KIAA0319L: variants seen among roughly 807,000 people sequenced by gnomAD.
KIAA0319L encodes KIAA0319 like.
Under a neutral mutation model 120.1 loss-of-function variants are expected in KIAA0319L, and 55 were observed. The ratio of observed to expected loss-of-function variants is 0.46; its 90% CI spans 0.37 to 0.57. The LOEUF is 0.57. Among genes scored for constraint, KIAA0319L ranks in the 20% least tolerant of loss-of-function variants. The pLI, the probability that KIAA0319L is intolerant of heterozygous loss-of-function variation, is 0.00. For missense variants in KIAA0319L, 1,049 were observed against 1,255.3 expected (o/e 0.84, Z 2.48); for synonymous variants, 398 against 471.9 (o/e 0.84, Z 2.03).
At chr1:35,455,960 C>A in intron 10 of KIAA0319L, 53 bp downstream of exon 10, 1 of 1,365,426 alleles carries the variant, frequency 7.3e-7, no homozygotes, top group South Asian at 1.3e-5. Context: ...AAAATGCAGT[C>A]CAGCAGCTCT....
At chr1:35,446,111 A>G (rs1641602605) in intron 16 of KIAA0319L, among the ~76,000 whole-genome samples, 1 of 152,200 alleles carries the variant, frequency 6.6e-6, no homozygotes, top group Non-Finnish European at 1.5e-5. Context: ...CTAGGTACCC[A>G]GACCCCACTC....
chr1:35,499,659 A>C (rs1225076875), intron 3 of KIAA0319L, among the ~76,000 whole-genome samples: 1 of 152,164 alleles, frequency 6.6e-6, no homozygotes, highest in African/African-American at 2.4e-5. Context: ...AGTAGATTAA[A>C]GAACCAGAAC....
At chr1:35,483,754 G>T (rs1644262742) in intron 3 of KIAA0319L, among the ~76,000 whole-genome samples, 1 of 152,090 alleles carries the variant, frequency 6.6e-6, no homozygotes, top group Non-Finnish European at 1.5e-5. Context: ...CTGCCATAAT[G>T]AATTACTATA....
At chr1:35,513,289 T>TATATATATATATATATATATATA (rs1491413167) in intron 2 of KIAA0319L, among the ~76,000 whole-genome samples, 4 of 70,602 alleles carry the variant, frequency 5.7e-5, no homozygotes, top group African/African-American at 2.3e-4. Flanking sequence ...TATATATATA[T>TATATATATATATATATATATATA]TTTTTTTTTT....
intron 2 of KIAA0319L, among the ~76,000 whole-genome samples, chr1:35,517,511 T>C (rs548435018): frequency 4.4e-4 from 67 of 152,338 alleles, no homozygotes; most frequent in African/African-American, 1.4e-3. Context: ...GCTAGCCATA[T>C]GCAGAAGATT....
rs1032657165 is a variant in KIAA0319L at position 35,534,683 on chromosome 1, C to T, written c.142+19667G>A. ...GAACTTCCTGGCTAACACAGTGAAA[C>T]CCCATCTCTACTAAAAATACAAAAA... On this transcript the variant is annotated intron_variant, in intron 2 of 20. Transcript: ENST00000325722. 2.6e-5 allele frequency among the ~76,000 whole-genome samples: 4 copies of T among 151,716 alleles called. No individual in the cohort carries two copies. In the East Asian group the frequency reaches 5.8e-4, roughly 22 times the overall value.
chr1:35,445,098 TGCAGTGTG>T (rs1641522086), intron 16 of KIAA0319L, among the ~76,000 whole-genome samples: 1 of 152,186 alleles, frequency 6.6e-6, no homozygotes, highest in South Asian at 2.1e-4. Flanking sequence ...CCCCTCATCA[TGCAGTGTG>T]GCTGGGTGGG....
chr1:35,460,179 A>C (rs1642789489), intron 9 of KIAA0319L, 126 bp downstream of exon 9: 3 of 776,782 alleles, frequency 3.9e-6, no homozygotes, highest in Admixed American at 5.2e-5. Context: ...ATGGAACCAA[A>C]AGCTGTATTA....
chr1:35,554,628 G>T, intron 1 of KIAA0319L, 109 bp from the exon 2 acceptor site: 2 of 763,842 alleles, frequency 2.6e-6, no homozygotes, highest in Non-Finnish European at 4.0e-6. Flanking sequence ...AAAATTTCAA[G>T]TTTGTCTTTA....
chr1:35,483,695 T>C (rs1455927876), intron 3 of KIAA0319L, among the ~76,000 whole-genome samples: 1 of 152,226 alleles, frequency 6.6e-6, no homozygotes, highest in Non-Finnish European at 1.5e-5. Flanking sequence ...ATCATTTTGA[T>C]CATTCTAGAT....
rs1488385769 is a variant in KIAA0319L, at chr1:35,506,446, C to T, written c.666+166G>A. ...ATGAACATCTCTAGGGTCAAATTAC[C>T]CTTTGTACATCTGGGCAGCACCAAA... On this transcript the variant is annotated intron_variant, in intron 3 of 20. Coordinates refer to ENST00000325722, the MANE Select transcript of KIAA0319L (RefSeq NM_024874.5). The surrounding 1 kb of genome is among the most constrained non-coding windows in gnomAD (Gnocchi z 4.0). 6.6e-6 allele frequency among the ~76,000 whole-genome samples: 1 copy of T among 152,282 alleles called. No homozygotes were observed. Among genetic ancestry groups the T allele is most frequent in the East Asian group, 1.9e-4 (1 of 5,188 alleles).
At chr1:35,512,768 C>T (rs905759794) in intron 2 of KIAA0319L, among the ~76,000 whole-genome samples, 2 of 149,680 alleles carry the variant, frequency 1.3e-5, no homozygotes, top group Non-Finnish European at 2.9e-5. Context: ...ACTTGGGAGG[C>T]TGAGGCAGGA....
At chr1:35,491,576 A>T (rs1644595121) in intron 3 of KIAA0319L, among the ~76,000 whole-genome samples, 1 of 152,184 alleles carries the variant, frequency 6.6e-6, no homozygotes, top group Non-Finnish European at 1.5e-5. Context: ...CAAAAAAATA[A>T]ACCTGTCAAC....
chr1:35,456,390 C>G, intron 9 of KIAA0319L, 149 bp from the exon 10 acceptor site: 1 of 572,212 alleles, frequency 1.7e-6, no homozygotes, highest in Non-Finnish European at 3.1e-6. Context: ...GAAAGTACTA[C>G]TAGAAGCTAA....
Position 35,443,048 on chromosome 1 carries a change from G to A in KIAA0319L, c.2657-20C>T. On this transcript the variant is annotated intron_variant, in intron 17 of 20. Coordinates refer to ENST00000325722, the MANE Select transcript of KIAA0319L (RefSeq NM_024874.5). ...GACATGCTGAGAGTGGCAGCAAAGGGAAGAAAGTCAACAAGACTCAGCCAG... is the reference window on the plus strand; with the variant it reads ...GACATGCTGAGAGTGGCAGCAAAGGAAAGAAAGTCAACAAGACTCAGCCAG... 6.2e-7 allele frequency: 1 copy of A among 1,614,054 alleles called. No homozygotes were observed. Among genetic ancestry groups the A allele is most frequent in the Middle Eastern group, 1.7e-4 (1 of 6,040 alleles).
In KIAA0319L at chr1:35,491,472, A is replaced by G. The variant is rs186694475; in HGVS notation, c.667-12260T>C. Among the ~76,000 whole-genome samples, 278 of 152,300 alleles carry G rather than the reference A, an allele frequency of 1.8e-3. 5 individuals are homozygous for G. The South Asian group carries it at 0.022, about 12-fold the overall frequency. On this transcript the variant is annotated intron_variant, in intron 3 of 20. Transcript: ENST00000325722. Reference sequence around the variant, plus strand: ...CAGCCAGAGAAAAAAGAAACATGATATATGTGGAACAAAGATAAAAACTAG... The same window carrying G: ...CAGCCAGAGAAAAAAGAAACATGATGTATGTGGAACAAAGATAAAAACTAG...
chr1:35,494,036 T>C (rs538333240), intron 3 of KIAA0319L, among the ~76,000 whole-genome samples: 1 of 152,268 alleles, frequency 6.6e-6, no homozygotes, highest in East Asian at 1.9e-4. Flanking sequence ...CCACTGAAAA[T>C]TCCAGAAGAC....
chr1:35,494,785 G>A (rs536007231), intron 3 of KIAA0319L, among the ~76,000 whole-genome samples: 16 of 152,268 alleles, frequency 1.1e-4, no homozygotes, highest in South Asian at 6.2e-4. Flanking sequence ...CACTCCAACT[G>A]AGCAACCACA....
chr1:35,448,202 C>T lies in KIAA0319L; in HGVS notation c.2484G>A (p.Val828=). 1 of 1,613,816 alleles carries T rather than the reference C, an allele frequency of 6.2e-7. No homozygotes were observed. Among genetic ancestry groups the T allele is most frequent in the Non-Finnish European group, 8.5e-7 (1 of 1,179,840 alleles). Residue 828 remains valine, a synonymous_variant, in exon 16 of 21, where the codon GTG becomes GTA. Coordinates refer to ENST00000325722, the MANE Select transcript of KIAA0319L (RefSeq NM_024874.5). ...LLGVLDSDII[V]QKIQPYTEQS... The stretch of plus-strand genomic sequence containing the variant: ...GCTCCGTGTACGGCTGAATCTTTTG[C>T]ACAATGATGTCGGAATCCAGCACCC...
Sources: gnomAD v4.1 joint callset for allele counts (sites outside exome capture counted in the v4.1 genomes callset) on GRCh38, gnomAD v4.1.1 for gene constraint, Gnocchi (gnomAD v3.1) non-coding constraint, MANE v1.5 for transcripts, NCBI Gene and HGNC (gene_info 2026-07-23, HGNC 2026-07-21) for gene names.